Variants in C14orf93 observed in about 807,000 individuals in gnomAD.
The protein encoded by C14orf93 is uncharacterized protein C14orf93.
C14orf93 carries 23 observed loss-of-function variants against 44.0 expected under a neutral mutation model. The ratio of observed to expected loss-of-function variants is 0.52; its 90% CI spans 0.38 to 0.74. C14orf93 has a LOEUF of 0.74. Among genes scored for constraint, C14orf93 ranks in the 30% least tolerant of loss-of-function variants. C14orf93 has a pLI of 0.00. For missense variants in C14orf93, 579 were observed against 678.9 expected, an observed-to-expected ratio of 0.85 and a Z score of 1.64; for synonymous variants, 253 against 265.7, an observed-to-expected ratio of 0.95 and a Z score of 0.46.
At chr14:23,006,121 C>T (rs972904722) in intron 1 of C14orf93, 1 of 152,180 alleles carries the variant, frequency 6.6e-6, no homozygotes, top group Non-Finnish European at 1.5e-5. Context: ...GAAAGCATGG[C>T]AATTCATATC....
rs1468068441 is a variant in C14orf93 at position 22,989,771 on chromosome 14, G to A, written c.1055C>T (p.Pro352Leu). The change falls in exon 5 of 7, where the codon CCC becomes CTC. Residue 352 changes from proline to leucine, a missense_variant. Transcript: ENST00000299088. ...TAGCTCCTTATCAGTGTAATTGTGGGGACTGGTCACCAGCTCTTGCTTGAG... is the reference window on the plus strand; with the variant it reads ...TAGCTCCTTATCAGTGTAATTGTGGAGACTGGTCACCAGCTCTTGCTTGAG... ...EKLKQELVTS[P>L]HNYTDKELKG... The A allele has an allele frequency of 1.2e-6, 2 of 1,613,728 alleles. No individual in the cohort carries two copies. The highest frequency in any genetic ancestry group is 1.7e-6 in the Non-Finnish European group (2 of 1,179,800).
chr14:22,989,606 CA>C, intron 5 of C14orf93, 135 bp downstream of exon 5: 3 of 648,164 alleles, frequency 4.6e-6, no homozygotes, highest in South Asian at 2.0e-5. Flanking sequence ...TGAGAATAGC[CA>C]AAAAATGTTT....
chr14:22,998,709 C>T lies in C14orf93; in HGVS notation c.315G>A (p.Val105=), dbSNP rs1420041443. Residue 105 remains valine (V), a synonymous_variant, in exon 2 of 7, where the codon GTG becomes GTA. Transcript: ENST00000299088. ...EEVGDLRQGK[V]SIPDEDGESR... ...TTTCCCCATCTTCATCAGGGATGGACACTTTCCCTTGCCTCAGGTCACCCA... is the reference window on the plus strand; with the variant it reads ...TTTCCCCATCTTCATCAGGGATGGATACTTTCCCTTGCCTCAGGTCACCCA... 6.2e-7 allele frequency: 1 copy of T among 1,614,246 alleles called. No individual in the cohort carries two copies. Among genetic ancestry groups the T allele is most frequent in the Non-Finnish European group, 8.5e-7 (1 of 1,180,048 alleles).
chr14:22,987,868 GT>G lies in C14orf93; in HGVS notation c.1197+34del, dbSNP rs753770567. On this transcript the variant is annotated intron_variant, in intron 6 of 6. Coordinates refer to ENST00000299088, the MANE Select transcript of C14orf93 (RefSeq NM_021944.4). The surrounding 1 kb of genome is among the most constrained non-coding windows in gnomAD (Gnocchi z 5.6). ...CTTCCCACTTAGGAAAGGGTTTAGA[GT>G]TTAGTATCTTGAAAGAAAGGCCTAG... 2.7e-5 allele frequency: 42 copies of G among 1,536,946 alleles called. No homozygotes were observed. The highest frequency in any genetic ancestry group is 3.6e-5 in the Non-Finnish European group (40 of 1,111,336).
Position 22,987,765 on chromosome 14 carries a change from G to T in C14orf93, c.1198-131C>A. On this transcript the variant is annotated intron_variant, in intron 6 of 6. Coordinates refer to ENST00000299088, the MANE Select transcript of C14orf93 (RefSeq NM_021944.4). This position sits in a 1 kb window ranked among gnomAD's most constrained non-coding sequence, Gnocchi z 5.6. Reference sequence around the variant, plus strand: ...AACCCAGTCCCCAAGTCAGATCTTAGCATTGGCTCACTGTTCTTCTCTATC... The same window carrying T: ...AACCCAGTCCCCAAGTCAGATCTTATCATTGGCTCACTGTTCTTCTCTATC... The T allele has an allele frequency of 8.2e-7, 1 of 1,220,342 alleles. No individual in the cohort carries two copies. Among genetic ancestry groups the T allele is most frequent in the Non-Finnish European group, 1.1e-6 (1 of 871,534 alleles). The allele number at this position is 1,220,342 out of a possible 1,614,324, so 75.6% of individuals were successfully genotyped here. A position where few individuals can be genotyped will look rare whatever the true frequency, so the allele number is the denominator to read the frequency against.
At position 22,998,616 on chromosome 14, in the gene C14orf93, C is replaced by T. The variant is rs770152523; in HGVS notation, c.408G>A (p.Lys136=). 14 of 1,614,018 alleles carry T rather than the reference C, an allele frequency of 8.7e-6. No homozygotes were observed. The African/African-American group carries it at 1.9e-4, about 22-fold the overall frequency. ...ACTCCTCTTCCACGGCAGACAGAGCCTTAAAGGCTTCCCCGGGACTTTCCT... is the reference window on the plus strand; with the variant it reads ...ACTCCTCTTCCACGGCAGACAGAGCTTTAAAGGCTTCCCCGGGACTTTCCT... ...PLKESPGEAF[K]ALSAVEEECD... is the part of the protein sequence containing the mutation. Residue 136 remains lysine, a synonymous_variant, in exon 2 of 7, where the codon AAG becomes AAA. Coordinates refer to ENST00000299088, the MANE Select transcript of C14orf93 (RefSeq NM_021944.4).
rs553440379 is a variant in C14orf93 at position 22,988,173 on chromosome 14, GC to G, written c.1085-159del. Among the ~76,000 whole-genome samples, 4 of 141,426 alleles carry G rather than the reference GC, an allele frequency of 2.8e-5. No individual in the cohort carries two copies. In the South Asian group the frequency reaches 9.0e-4, roughly 32 times the overall value. The allele number at this position is 141,426 out of a possible 152,430, so 92.8% of individuals were successfully genotyped here. A position where few individuals can be genotyped will look rare whatever the true frequency, so the allele number is the denominator to read the frequency against. On this transcript the variant is annotated intron_variant, in intron 5 of 6. Coordinates refer to ENST00000299088, the MANE Select transcript of C14orf93 (RefSeq NM_021944.4). ...TTTGAGATGTAGTTTCACTCTTGTTGCCCAGGCTGGAGTGCAATGGCACAAT... is the reference window on the plus strand; with the variant it reads ...TTTGAGATGTAGTTTCACTCTTGTTGCCAGGCTGGAGTGCAATGGCACAAT...
chr14:23,006,348 G>A (rs1482512556), intron 1 of C14orf93: 1 of 152,122 alleles, frequency 6.6e-6, no homozygotes, highest in South Asian at 2.1e-4. Context: ...AGAGTGACTC[G>A]ACTAATGGTC....
chr14:22,997,302 GGA>G (rs1323864951), intron 2 of C14orf93, among the ~76,000 whole-genome samples: 1 of 152,166 alleles, frequency 6.6e-6, no homozygotes, highest in African/African-American at 2.4e-5. Flanking sequence ...CACTGGAGGG[GGA>G]GAGAGGGGTT....
chr14:22,989,644 A>C, intron 5 of C14orf93, 98 bp downstream of exon 5: 1 of 860,428 alleles, frequency 1.2e-6, no homozygotes, highest in East Asian at 2.5e-5. Context: ...AAAACCACCT[A>C]ATCATCTCTA....
chr14:23,003,762 T>C (rs1055627559), intron 1 of C14orf93, among the ~76,000 whole-genome samples: 11 of 143,252 alleles, frequency 7.7e-5, no homozygotes, highest in Admixed American at 3.5e-4. Flanking sequence ...GATCACACCA[T>C]TGCACACCAG....
Position 22,996,045 on chromosome 14 carries a change from C to T in C14orf93, c.821G>A (p.Gly274Glu), listed in dbSNP as rs2045953480. 1 of 1,614,168 alleles carries T rather than the reference C, an allele frequency of 6.2e-7. No homozygotes were observed. The highest frequency in any genetic ancestry group is 8.5e-7 in the Non-Finnish European group (1 of 1,180,034). The change falls in exon 3 of 7, where the codon GGG (glycine) becomes GAG (glutamate). Residue 274 changes from glycine (G) to glutamate (E), a missense_variant. Transcript: ENST00000299088. The surrounding 1 kb of genome is among the most constrained non-coding windows in gnomAD (Gnocchi z 4.1). ...ALEESGPGSTGELRHSLGLTV... is the reference protein window; with the variant it reads ...ALEESGPGSTEELRHSLGLTV... ...CAGCCCTAGAGAGTGTCTCAGCTCCCCAGTGCTCCCAGGGCCTGACTCTTC... is the reference window on the plus strand; with the variant it reads ...CAGCCCTAGAGAGTGTCTCAGCTCCTCAGTGCTCCCAGGGCCTGACTCTTC...
chr14:23,009,482 AACACAC>A (rs71425061), intron 1 of C14orf93, among the ~76,000 whole-genome samples: 12 of 151,360 alleles, frequency 7.9e-5, no homozygotes, highest in African/African-American at 2.9e-4. Context: ...TGTTTCAAGA[AACACAC>A]ACACACACAC....
At chr14:23,009,143 T>C (rs952222109) in intron 1 of C14orf93, among the ~76,000 whole-genome samples, 6 of 152,236 alleles carry the variant, frequency 3.9e-5, no homozygotes, top group Admixed American at 3.9e-4. Context: ...ATAAATTGCC[T>C]ACTCTCATTT....
chr14:23,005,648 A>T (rs574196961), intron 1 of C14orf93: 1 of 152,342 alleles, frequency 6.6e-6, no homozygotes, highest in East Asian at 1.9e-4. Context: ...ACATGACAGT[A>T]GATGTCACAC....
chr14:22,997,405 G>A (rs2046049044), intron 2 of C14orf93, among the ~76,000 whole-genome samples: 1 of 152,134 alleles, frequency 6.6e-6, no homozygotes, highest in South Asian at 2.1e-4. Flanking sequence ...TCTTTACTGG[G>A]TGTCTATGTC....
chr14:23,009,151 T>C (rs975793431), intron 1 of C14orf93, among the ~76,000 whole-genome samples: 5 of 152,248 alleles, frequency 3.3e-5, no homozygotes, highest in African/African-American at 1.2e-4. Flanking sequence ...CCTACTCTCA[T>C]TTGCCACATG....
At chr14:23,003,875 TATATATATATATATATATATATA>T (rs1190542909) in intron 1 of C14orf93, among the ~76,000 whole-genome samples, 95 of 14,258 alleles carry the variant, frequency 6.7e-3, no homozygotes, top group African/African-American at 0.017. Context: ...TATATATATA[TATATATATATATATATATATATA>T]TTTTTTTTTT....
intron 3 of C14orf93, chr14:22,994,202 T>C (rs2045830460): frequency 6.6e-6 from 1 of 152,198 alleles, no homozygotes; most frequent in African/African-American, 2.4e-5. Context: ...ATAGTCAATA[T>C]GAACATTGTA....
Sources: allele counts gnomAD v4.1 joint callset (sites outside exome capture counted in the v4.1 genomes callset), GRCh38; gene constraint gnomAD v4.1.1; non-coding constraint Gnocchi (gnomAD v3.1); transcripts MANE v1.5; gene names NCBI Gene and HGNC (gene_info 2026-07-23, HGNC 2026-07-21).